Variants in CLVS1 observed in about 807,000 individuals in gnomAD.
The protein encoded by CLVS1 is clavesin 1.
A neutral mutation model predicts 33.1 loss-of-function variants in CLVS1; 10 were observed. The observed-to-expected ratio is 0.30, with a 90% CI of 0.19 to 0.51. The LOEUF is 0.51. CLVS1 is among the 20% of genes least tolerant of loss of function. The pLI, the probability that CLVS1 is intolerant of heterozygous loss-of-function variation, is 0.97. For missense variants in CLVS1, 343 were observed against 433.4 expected, an observed-to-expected ratio of 0.79 and a Z score of 1.85; for synonymous variants, 163 against 166.1, an observed-to-expected ratio of 0.98 and a Z score of 0.14.
the CLVS1 span, among the ~76,000 whole-genome samples, chr8:60,970,012 C>T: frequency 4.6e-5 from 7 of 152,026 alleles, no homozygotes; most frequent in African/African-American, 9.7e-5. Flanking sequence ...ATATCAAAGT[C>T]GCCTCCCCCG....
At chr8:61,092,310 A>G (rs187475596) in intron 1 of CLVS1, among the ~76,000 whole-genome samples, 1 of 152,300 alleles carries the variant, frequency 6.6e-6, no homozygotes, top group Non-Finnish European at 1.5e-5. Flanking sequence ...CCTGTAGGCA[A>G]TCAAGGACAG....
At chr8:61,470,606 A>G (rs1223268930) in intron 5 of CLVS1, among the ~76,000 whole-genome samples, 1 of 152,236 alleles carries the variant, frequency 6.6e-6, no homozygotes, top group East Asian at 1.9e-4. Context: ...ATTCTGCCCA[A>G]TTCCAATTAA....
chr8:61,274,024 G>C (rs1809517287), intron 2 of CLVS1: 1 of 152,958 alleles, frequency 6.5e-6, no homozygotes, highest in Middle Eastern at 3.3e-3. Context: ...CAATATAAAA[G>C]TCTTGATGCC....
At position 61,500,652 on chromosome 8, in the gene CLVS1, C is replaced by CAT. The variant is rs1804678971; in HGVS notation, c.*1115_*1116dup. The CAT allele has an allele frequency of 6.6e-6, 1 of 152,194 alleles. No homozygotes were observed. Among genetic ancestry groups the CAT allele is most frequent in the African/African-American group, 2.4e-5 (1 of 41,532 alleles). The allele number at this position is 152,194 out of a possible 1,614,324, so 9.4% of individuals were successfully genotyped here. ...AATCAGACATAAAATAAACAGACATCATATATGATATCCTTACTTGTGCCA... is the reference window on the plus strand; with the variant it reads ...AATCAGACATAAAATAAACAGACATCATATATATGATATCCTTACTTGTGCCA... On this transcript the variant is annotated 3_prime_UTR_variant, in exon 6 of 6. Transcript: ENST00000325897.
At chr8:61,428,598 G>A (rs1175084398) in intron 3 of CLVS1, among the ~76,000 whole-genome samples, 1 of 152,186 alleles carries the variant, frequency 6.6e-6, no homozygotes, top group Non-Finnish European at 1.5e-5. Flanking sequence ...GATTTGAATT[G>A]TGCTGATAGA....
At chr8:61,404,360 C>T (rs1475157624) in intron 3 of CLVS1, among the ~76,000 whole-genome samples, 2 of 152,132 alleles carry the variant, frequency 1.3e-5, no homozygotes, top group East Asian at 3.9e-4. Flanking sequence ...CCCAAAGATT[C>T]ATTAGTGAAA....
chr8:61,117,832 T>C (rs1386326802), intron 1 of CLVS1, among the ~76,000 whole-genome samples: 5 of 151,666 alleles, frequency 3.3e-5, no homozygotes, highest in Admixed American at 6.6e-5. Context: ...TCTAAAATTC[T>C]CTTTTTTTGT....
chr8:61,111,616 A>G (rs540381576), intron 1 of CLVS1, among the ~76,000 whole-genome samples: 2 of 152,282 alleles, frequency 1.3e-5, no homozygotes, highest in African/African-American at 4.8e-5. Flanking sequence ...TATCTCTATC[A>G]CATATTTGTT....
chr8:61,457,700 A>G (rs1200259124), intron 4 of CLVS1, among the ~76,000 whole-genome samples: 1 of 152,188 alleles, frequency 6.6e-6, no homozygotes, highest in African/African-American at 2.4e-5. Flanking sequence ...GTAAGAAAAC[A>G]CCAACTTTTT....
At chr8:61,232,023 GTTTTTTTTTTTT>G (rs1158042227) in intron 2 of CLVS1, among the ~76,000 whole-genome samples, 1 of 62,628 alleles carries the variant, frequency 1.6e-5, no homozygotes, top group Non-Finnish European at 3.9e-5. Flanking sequence ...GAAAGTTGTG[GTTTTTTTTTTTT>G]TTTTTTTTTT....
chr8:61,182,181 C>T (rs998275260), intron 2 of CLVS1, among the ~76,000 whole-genome samples: 11 of 152,054 alleles, frequency 7.2e-5, no homozygotes, highest in Non-Finnish European at 1.5e-4. Flanking sequence ...AAAATTAACT[C>T]AAGATGGATT....
intron 2 of CLVS1, among the ~76,000 whole-genome samples, chr8:61,248,987 C>T (rs1020884313): frequency 6.6e-6 from 1 of 152,100 alleles, no homozygotes; most frequent in Non-Finnish European, 1.5e-5. Flanking sequence ...CATAGAGATA[C>T]ACGTGCCATG....
chr8:61,206,847 A>G (rs1807857061), intron 2 of CLVS1, among the ~76,000 whole-genome samples: 1 of 152,150 alleles, frequency 6.6e-6, no homozygotes, highest in African/African-American at 2.4e-5. Flanking sequence ...TCGGCCTCCC[A>G]AAGTGCTGGG....
At chr8:61,196,973 A>G (rs1807626491) in intron 2 of CLVS1, among the ~76,000 whole-genome samples, 1 of 152,176 alleles carries the variant, frequency 6.6e-6, no homozygotes, top group Non-Finnish European at 1.5e-5. Flanking sequence ...TGCTGAAATG[A>G]AGACACAGTG....
At chr8:61,497,803 G>T (rs530297262) in intron 5 of CLVS1, among the ~76,000 whole-genome samples, 12 of 152,260 alleles carry the variant, frequency 7.9e-5, no homozygotes, top group Admixed American at 2.0e-4. Flanking sequence ...CCATTCTTAC[G>T]GTTATTTCTT....
intron 2 of CLVS1, among the ~76,000 whole-genome samples, chr8:61,235,972 AC>A (rs1808548801): frequency 6.6e-6 from 1 of 152,126 alleles, no homozygotes; most frequent in Non-Finnish European, 1.5e-5. Context: ...CAGGTTTCAG[AC>A]CCATGAAATT....
At chr8:61,374,906 A>T (rs1213034598) in intron 2 of CLVS1, among the ~76,000 whole-genome samples, 1 of 152,144 alleles carries the variant, frequency 6.6e-6, no homozygotes, top group East Asian at 1.9e-4. Flanking sequence ...TAAGGAAATG[A>T]TTTTTAGTAA....
chr8:61,119,553 T>C (rs1471744420), intron 1 of CLVS1, among the ~76,000 whole-genome samples: 4 of 150,036 alleles, frequency 2.7e-5, no homozygotes, highest in Admixed American at 6.6e-5. Context: ...CAGGAGCTCT[T>C]TTAGGGCAGG....
chr8:61,121,641 A>G (rs1029121544), intron 1 of CLVS1, among the ~76,000 whole-genome samples: 3 of 152,218 alleles, frequency 2.0e-5, no homozygotes, highest in Non-Finnish European at 4.4e-5. Context: ...TTCTGAGTGA[A>G]CAGATATTGT....
Sources: gnomAD v4.1 joint callset for allele counts (sites outside exome capture counted in the v4.1 genomes callset) on GRCh38, gnomAD v4.1.1 for gene constraint, MANE v1.5 for transcripts, NCBI Gene and HGNC (gene_info 2026-07-23, HGNC 2026-07-21) for gene names.